Variants in PTPRS observed in about 807,000 individuals in gnomAD.
PTPRS encodes the protein receptor-type tyrosine-protein phosphatase S.
A neutral mutation model predicts 215.3 loss-of-function variants in PTPRS; 63 were observed. The observed-to-expected ratio is 0.29, with a 90% CI of 0.24 to 0.36. The LOEUF is 0.36. Ranked by LOEUF, PTPRS falls within the 10% of genes least tolerant of loss-of-function variation. The probability of loss-of-function intolerance (pLI) is 1.00; values close to 1 mark genes in which losing one functional copy is unlikely to be tolerated. For missense variants in PTPRS, 2,258 were observed against 2,825.8 expected (o/e 0.80, Z 4.56); for synonymous variants, 1,404 against 1,191.4 (o/e 1.18, Z -3.68).
Position 5,229,521 on chromosome 19 carries a change from G to T in PTPRS, c.2319C>A (p.Arg773=). 6.8e-7 allele frequency: 1 copy of T among 1,464,628 alleles called. No individual in the cohort carries two copies. The highest frequency in any genetic ancestry group is 9.0e-7 in the Non-Finnish European group (1 of 1,110,304). The allele number at this position is 1,464,628 out of a possible 1,614,324, so 90.7% of individuals were successfully genotyped here. ...MEGAEARGPP[R]IKDVMLADAQ... ...CATCGGCCAGCATGACGTCCTTGAT[G>T]CGCGGCGGCCCGCGGGCCTCGGCGC... Residue 773 remains arginine, a synonymous_variant, in exon 15 of 38, where the codon CGC becomes CGA. Coordinates refer to ENST00000262963, the MANE Select transcript of PTPRS (RefSeq NM_002850.4).
Position 5,260,662 on chromosome 19 carries a change from C to T in PTPRS, c.595+143G>A, listed in dbSNP as rs182803670. On this transcript the variant is annotated intron_variant, in intron 7 of 37. Transcript: ENST00000262963. ...CAGACACAGACACAGACGCAGAGACCGGACTAACACTGGGTGGAACAAAGG... is the reference window on the plus strand; with the variant it reads ...CAGACACAGACACAGACGCAGAGACTGGACTAACACTGGGTGGAACAAAGG... 191 of 1,111,566 alleles carry T rather than the reference C, an allele frequency of 1.7e-4. No homozygotes were observed. The African/African-American group carries it at 2.4e-3, about 14-fold the overall frequency. The allele number at this position is 1,111,566 out of a possible 1,614,324, so 68.9% of individuals were successfully genotyped here.
chr19:5,220,976 C>G (rs1227895783), intron 20 of PTPRS, 24 bp downstream of exon 20: 1 of 1,582,302 alleles, frequency 6.3e-7, no homozygotes, highest in South Asian at 1.2e-5. Context: ...TGACAAGGAA[C>G]CCGGAGCATG....
intron 1 of PTPRS, among the ~76,000 whole-genome samples, chr19:5,335,099 G>A (rs549660859): frequency 5.3e-4 from 81 of 152,214 alleles, no homozygotes; most frequent in African/African-American, 1.9e-3. Context: ...ACGTGACAGC[G>A]CGACGATGGG....
chr19:5,252,244 C>T (rs750369612), intron 9 of PTPRS, among the ~76,000 whole-genome samples: 1 of 152,118 alleles, frequency 6.6e-6, no homozygotes, highest in Non-Finnish European at 1.5e-5. Flanking sequence ...CGGCCTCTTC[C>T]AAAACCTTGA....
At chr19:5,227,678 G>A (rs535719597) in intron 16 of PTPRS, among the ~76,000 whole-genome samples, 60 of 152,226 alleles carry the variant, frequency 3.9e-4, no homozygotes, top group African/African-American at 1.3e-3. Context: ...CCAAAGTGCT[G>A]GGATTACAGG....
chr19:5,243,768 G>A (rs1002450290), intron 11 of PTPRS, 133 bp downstream of exon 11: 5 of 885,732 alleles, frequency 5.6e-6, no homozygotes, highest in South Asian at 2.4e-5. Context: ...CACCACACCC[G>A]GCCTAAATGC....
chr19:5,286,860 C>G (rs1168577769), intron 1 of PTPRS, among the ~76,000 whole-genome samples: 1 of 151,960 alleles, frequency 6.6e-6, no homozygotes, highest in Non-Finnish European at 1.5e-5. Flanking sequence ...GACTGAGGAC[C>G]TGAGCCCCTG....
chr19:5,272,970 T>C (rs2047049731), intron 4 of PTPRS: 1 of 191,960 alleles, frequency 5.2e-6, no homozygotes, highest in African/African-American at 2.4e-5. Flanking sequence ...GGGAAGGGAA[T>C]GGGATCCAAG....
At chr19:5,238,377 C>T (rs890508001) in intron 13 of PTPRS, among the ~76,000 whole-genome samples, 1 of 152,136 alleles carries the variant, frequency 6.6e-6, no homozygotes, top group African/African-American at 2.4e-5. Flanking sequence ...GATTCCACCC[C>T]CTCCCCACCC....
chr19:5,252,434 G>C (rs2146138817), intron 9 of PTPRS, among the ~76,000 whole-genome samples: 1 of 151,770 alleles, frequency 6.6e-6, no homozygotes, highest in East Asian at 1.9e-4. Flanking sequence ...AAAATTATCT[G>C]AGCGTGGTGC....
At chr19:5,231,279 G>C (rs199624288) in intron 14 of PTPRS, 31 bp downstream of exon 14, 4 of 1,566,730 alleles carry the variant, frequency 2.6e-6, no homozygotes, top group African/African-American at 1.3e-5. Context: ...TGGGGCCTGC[G>C]GGGGGTCCCG....
At chr19:5,335,863 C>T (rs1479637286) in intron 1 of PTPRS, among the ~76,000 whole-genome samples, 1 of 152,036 alleles carries the variant, frequency 6.6e-6, no homozygotes, top group Admixed American at 6.6e-5. Flanking sequence ...TGTGGAATAT[C>T]CCCTCGGCCT....
rs1360426851 is a variant in PTPRS at position 5,210,177 on chromosome 19, A to C, written c.5487+292T>G. Among the ~76,000 whole-genome samples, 3 of 151,902 alleles carry C rather than the reference A, an allele frequency of 2.0e-5. No individual in the cohort carries two copies. The highest frequency in any genetic ancestry group is 4.2e-4 in the South Asian group (2 of 4,804). On this transcript the variant is annotated intron_variant, in intron 35 of 37. Coordinates refer to ENST00000262963, the MANE Select transcript of PTPRS (RefSeq NM_002850.4). The surrounding 1 kb of genome is among the most constrained non-coding windows in gnomAD (Gnocchi z 4.5). Reference sequence around the variant, plus strand: ...AAGTCCCTTTCAGCCCTTTAACATCATCCTCCACAGGTGGCTGCTTCCAGA... The same window carrying C: ...AAGTCCCTTTCAGCCCTTTAACATCCTCCTCCACAGGTGGCTGCTTCCAGA...
In PTPRS at chr19:5,218,786, C is replaced by T; in HGVS notation, c.3935+1G>A. 1 of 1,609,334 alleles carries T rather than the reference C, an allele frequency of 6.2e-7. No homozygotes were observed. Among genetic ancestry groups the T allele is most frequent in the Non-Finnish European group, 8.5e-7 (1 of 1,178,324 alleles). On this transcript the variant is annotated splice_donor_variant, in intron 24 of 37. Coordinates refer to ENST00000262963, the MANE Select transcript of PTPRS (RefSeq NM_002850.4). LOFTEE classifies it high-confidence loss of function. ...CTCCACGGGGGAGGGCTGGTTCTTACCTGTCGGGTTTGCTGTTCCCGAAAG... is the reference window on the plus strand; with the variant it reads ...CTCCACGGGGGAGGGCTGGTTCTTATCTGTCGGGTTTGCTGTTCCCGAAAG...
At chr19:5,209,447 ATTG>A (rs2040661459) in intron 35 of PTPRS, among the ~76,000 whole-genome samples, 1 of 151,904 alleles carries the variant, frequency 6.6e-6, no homozygotes, top group African/African-American at 2.4e-5. Flanking sequence ...GCCATCCAAA[ATTG>A]TTATCCTCTG....
chr19:5,333,912 C>T (rs775443699), intron 1 of PTPRS, among the ~76,000 whole-genome samples: 2 of 152,206 alleles, frequency 1.3e-5, no homozygotes, highest in Non-Finnish European at 2.9e-5. Flanking sequence ...GCTTGTCAAC[C>T]GATCACTTTC....
intron 6 of PTPRS, among the ~76,000 whole-genome samples, chr19:5,261,201 C>T (rs1415769227): frequency 1.3e-5 from 2 of 152,030 alleles, no homozygotes; most frequent in African/African-American, 4.8e-5. Flanking sequence ...GGTTCATCAC[C>T]CCCCCTTCCT....
At chr19:5,236,298 G>C (rs1359175752) in intron 13 of PTPRS, among the ~76,000 whole-genome samples, 1 of 152,242 alleles carries the variant, frequency 6.6e-6, no homozygotes, top group Non-Finnish European at 1.5e-5. Flanking sequence ...CTGAGGCTCA[G>C]AAACAGCAAG....
chr19:5,216,587 G>A, intron 26 of PTPRS, 133 bp downstream of exon 26: 1 of 781,796 alleles, frequency 1.3e-6, no homozygotes, highest in Non-Finnish European at 2.1e-6. Flanking sequence ...CCAGGAGCCA[G>A]CACAAGACAG....
Sources: gnomAD v4.1 joint callset for allele counts (sites outside exome capture counted in the v4.1 genomes callset) on GRCh38, gnomAD v4.1.1 for gene constraint, Gnocchi (gnomAD v3.1) non-coding constraint, MANE v1.5 for transcripts, NCBI Gene and HGNC (gene_info 2026-07-23, HGNC 2026-07-21) for gene names.